Variants in EBF4 observed in about 807,000 individuals in gnomAD.
The protein encoded by EBF4 is transcription factor COE4.
In EBF4, 34 loss-of-function variants were observed where a neutral mutation model predicts 67.1. The ratio of observed to expected loss-of-function variants is 0.51; its 90% confidence interval spans 0.39 to 0.67. The LOEUF is 0.67. EBF4 is among the 30% of genes least tolerant of loss of function. EBF4 has a pLI of 0.00. For missense variants in EBF4, 837 were observed against 873.3 expected, an observed-to-expected ratio of 0.96 and a Z score of 0.52; for synonymous variants, 387 against 377.7, an observed-to-expected ratio of 1.02 and a Z score of -0.29.
intron 7 of EBF4, among the ~76,000 whole-genome samples, chr20:2,748,898 G>GGCAATTT (rs2088094541): frequency 6.6e-6 from 1 of 152,196 alleles, no homozygotes; most frequent in Non-Finnish European, 1.5e-5. Flanking sequence ...TAACGACCCA[G>GGCAATTT]GCAATTTGCA....
chr20:2,740,044 G>A (rs1012056782), intron 6 of EBF4, among the ~76,000 whole-genome samples: 2 of 152,246 alleles, frequency 1.3e-5, no homozygotes, highest in African/African-American at 4.8e-5. Flanking sequence ...TGGGCGCAGT[G>A]GCCCACGCCT....
At chr20:2,742,683 C>T (rs1333454251) in intron 6 of EBF4, among the ~76,000 whole-genome samples, 1 of 152,122 alleles carries the variant, frequency 6.6e-6, no homozygotes, top group Non-Finnish European at 1.5e-5. Context: ...GCTCACTTTA[C>T]TCCTCCCCAC....
At position 2,710,084 on chromosome 20, in the gene EBF4, AG is replaced by A. The variant is rs2087521244; in HGVS notation, c.557+444del. On this transcript the variant is annotated intron_variant, in intron 6 of 16. Coordinates refer to ENST00000609451, the Ensembl canonical transcript of EBF4. ...CTGGAAAAGTGGGGAAAGAGCTGGC[AG>A]GTTTCAGTCATAGAATTGTCGAGGT... 2.0e-5 allele frequency among the ~76,000 whole-genome samples: 3 copies of A among 152,302 alleles called. No homozygotes were observed. The South Asian group carries it at 6.2e-4, about 32-fold the overall frequency.
chr20:2,705,580 C>T (rs1467559052), exon 2 of EBF4: 16 of 1,551,804 alleles, frequency 1.0e-5, no homozygotes, highest in Admixed American at 2.0e-5. Context: ...CCCACAGTGG[C>T]GTGGGTCTGG....
intron 6 of EBF4, among the ~76,000 whole-genome samples, chr20:2,715,681 GA>G (rs915777149): frequency 6.6e-6 from 1 of 152,192 alleles, no homozygotes; most frequent in Non-Finnish European, 1.5e-5. Flanking sequence ...GGCATTTTGT[GA>G]TGGCCTTAAT....
chr20:2,729,559 C>T (rs1163216679), intron 6 of EBF4, among the ~76,000 whole-genome samples: 2 of 152,142 alleles, frequency 1.3e-5, no homozygotes, highest in African/African-American at 4.8e-5. Context: ...CACACTTCCT[C>T]CCCATTGAGA....
rs1428177888 is a variant in EBF4, at chr20:2,755,115, A to T, written c.1541-512A>T. On this transcript the variant is annotated intron_variant, in intron 14 of 16. Transcript: ENST00000609451. The surrounding 1 kb of genome is among the most constrained non-coding windows in gnomAD (Gnocchi z 4.7). The stretch of plus-strand genomic sequence containing the variant: ...GCAAGGAGAGCATATTTGAGGAGGA[A>T]GTTGGAGTGCTGTTTGTGATGCTGG... The T allele has an allele frequency of 6.3e-6, 1 of 158,862 alleles. No homozygotes were observed. The highest frequency in any genetic ancestry group is 1.4e-5 in the Non-Finnish European group (1 of 72,766). 9.8% of individuals were successfully genotyped at this position (158,862 alleles called of 1,614,324 possible). A position where few individuals can be genotyped will look rare whatever the true frequency, so the allele number is the denominator to read the frequency against.
Position 2,755,883 on chromosome 20 carries a change from G to GCCCCTGTAGCCCAGCT in EBF4, c.1738+59_1738+60insCCCCTGTAGCCCAGCT. 1 of 1,468,180 alleles carries GCCCCTGTAGCCCAGCT rather than the reference G, an allele frequency of 6.8e-7. No individual in the cohort carries two copies. Among genetic ancestry groups the GCCCCTGTAGCCCAGCT allele is most frequent in the Non-Finnish European group, 9.2e-7 (1 of 1,092,116 alleles). 90.9% of individuals were successfully genotyped at this position (1,468,180 alleles called of 1,614,324 possible). Reference sequence around the variant, plus strand: ...AGGAAGGGCCCTTGTGGAGCAGCTGGGCTACAGGGGCCTGCTCTGTCCACA... The same window carrying GCCCCTGTAGCCCAGCT: ...AGGAAGGGCCCTTGTGGAGCAGCTGGCCCCTGTAGCCCAGCTGCTACAGGGGCCTGCTCTGTCCACA... On this transcript the variant is annotated intron_variant, in intron 15 of 16. Coordinates refer to ENST00000609451, the Ensembl canonical transcript of EBF4. This position sits in a 1 kb window ranked among gnomAD's most constrained non-coding sequence, Gnocchi z 4.7.
At chr20:2,752,637 G>C (rs1293072713) in intron 14 of EBF4, 92 bp downstream of exon 14, 5 of 1,103,494 alleles carry the variant, frequency 4.5e-6, no homozygotes, top group Non-Finnish European at 5.7e-6. Flanking sequence ...AGGTTGGGGC[G>C]CCGGCGCCGT....
chr20:2,719,690 T>G (rs893707524), intron 6 of EBF4, among the ~76,000 whole-genome samples: 4 of 151,984 alleles, frequency 2.6e-5, no homozygotes, highest in African/African-American at 4.8e-5. Flanking sequence ...AAGGCGTGAG[T>G]CACCATGCCC....
At chr20:2,754,970 A>C (rs720044) in intron 14 of EBF4, 86,316 of 126,944 alleles carry the variant, frequency 0.68, 30,235 homozygotes, top group East Asian at 0.79. Context: ...TCAGGAGACC[A>C]CCCCCCCCCA....
rs1205880883 is a variant in EBF4, at chr20:2,751,782, G to A, written c.1101G>A (p.Leu367=). The change falls in exon 11 of 17, where the codon CTG becomes CTA. Residue 367 remains leucine (L), a synonymous_variant. Transcript: ENST00000609451. This position sits in a 1 kb window ranked among gnomAD's most constrained non-coding sequence, Gnocchi z 5.2. ...GACACCCCGGAGACCCCGAGAGGCT[G>A]CCCAAGGTACTCAGAGGGGCGGGGC... 1.0e-6 allele frequency: 1 copy of A among 954,672 alleles called. No individual in the cohort carries two copies. Among genetic ancestry groups the A allele is most frequent in the South Asian group, 1.4e-5 (1 of 72,846 alleles). 59.1% of individuals were successfully genotyped at this position (954,672 alleles called of 1,614,324 possible).
exon 14 of EBF4, chr20:2,752,448 T>C: frequency 7.8e-7 from 1 of 1,275,386 alleles, no homozygotes; most frequent in Non-Finnish European, 9.9e-7. Context: ...GCCTCGGAGC[T>C]GGCCTGGGCG....
chr20:2,750,728 A>G (rs1040090030), intron 10 of EBF4, among the ~76,000 whole-genome samples: 9 of 152,110 alleles, frequency 5.9e-5, no homozygotes, highest in Non-Finnish European at 1.2e-4. Context: ...AGAGAACCGC[A>G]TGGGGTGGGT....
At chr20:2,699,260 T>C (rs1468075120) in intron 1 of EBF4, among the ~76,000 whole-genome samples, 1 of 152,140 alleles carries the variant, frequency 6.6e-6, no homozygotes, top group Non-Finnish European at 1.5e-5. Context: ...AATGACCTAG[T>C]CTGTGAAGGT....
At chr20:2,704,986 T>C (rs1568567575) in intron 1 of EBF4, among the ~76,000 whole-genome samples, 1 of 152,256 alleles carries the variant, frequency 6.6e-6, no homozygotes, top group Non-Finnish European at 1.5e-5. Context: ...TCCCAAAGCC[T>C]GGAGGCAGGT....
chr20:2,697,414 G>C (rs6051246), intron 1 of EBF4, among the ~76,000 whole-genome samples: 1 of 150,290 alleles, frequency 6.7e-6, no homozygotes, highest in African/African-American at 2.4e-5. Context: ...GCGTGGTGGC[G>C]GGCGCCTGTA....
intron 1 of EBF4, among the ~76,000 whole-genome samples, chr20:2,698,694 C>T (rs2087332135): frequency 6.6e-6 from 1 of 152,126 alleles, no homozygotes; most frequent in African/African-American, 2.4e-5. Context: ...TTGCTCCCTC[C>T]ACTTCCTGGG....
intron 6 of EBF4, among the ~76,000 whole-genome samples, chr20:2,726,889 A>G (rs758201594): frequency 2.7e-4 from 41 of 152,064 alleles, no homozygotes; most frequent in Non-Finnish European, 4.7e-4. Flanking sequence ...GAACTTTTTC[A>G]TCTTGCAAAC....
Sources: allele counts gnomAD v4.1 joint callset (sites outside exome capture counted in the v4.1 genomes callset), GRCh38; gene constraint gnomAD v4.1.1; non-coding constraint Gnocchi (gnomAD v3.1); transcripts MANE v1.5; gene names NCBI Gene and HGNC (gene_info 2026-07-23, HGNC 2026-07-21).